The following APPBP2 variants were observed in gnomAD, a reference collection of about 807,000 sequenced individuals.
The protein encoded by APPBP2 is amyloid beta precursor protein binding protein 2, also known as amyloid protein-binding protein 2.
APPBP2 carries 15 observed loss-of-function variants against 76.0 expected under a neutral mutation model. That is an observed-to-expected ratio of 0.20 (90% CI 0.13 to 0.30). The LOEUF (loss-of-function observed/expected upper bound fraction) is 0.30, where lower values mean the gene tolerates loss of function less well. APPBP2 is among the 10% of genes least tolerant of loss of function. APPBP2 has a pLI of 1.00. For synonymous variants in APPBP2, 222 were observed against 242.2 expected (o/e 0.92, Z 0.77); for missense variants, 401 against 687.2 (o/e 0.58, Z 4.66).
At chr17:60,466,649 C>A (rs914660964) in intron 4 of APPBP2, among the ~76,000 whole-genome samples, 190 bp from the exon 5 acceptor site, 4 of 152,090 alleles carry the variant, frequency 2.6e-5, no homozygotes, top group Admixed American at 2.6e-4. Context: ...TTCCTGAAAG[C>A]GTCCCATAAT....
Position 60,526,106 on chromosome 17 carries a change from G to A in APPBP2, c.-175C>T. 1.6e-6 allele frequency: 1 copy of A among 620,920 alleles called. No individual in the cohort carries two copies. Among genetic ancestry groups the A allele is most frequent in the Admixed American group, 3.0e-5 (1 of 33,526 alleles). The allele number at this position is 620,920 out of a possible 1,614,324, so 38.5% of individuals were successfully genotyped here. A position where few individuals can be genotyped will look rare whatever the true frequency, so the allele number is the denominator to read the frequency against. ...CTCCGGGGGCAAACTGAGGGACGGC[G>A]GCAGCGGACGCAGGCCCGAGTAAAA... is the stretch of plus-strand genomic sequence containing the variant. On this transcript the variant is annotated 5_prime_UTR_variant, in exon 1 of 13. Coordinates refer to ENST00000083182, the MANE Select transcript of APPBP2 (RefSeq NM_006380.5).
intron 4 of APPBP2, among the ~76,000 whole-genome samples, chr17:60,477,731 T>C (rs2143375296): frequency 6.6e-6 from 1 of 151,372 alleles, no homozygotes; most frequent in African/African-American, 2.4e-5. Flanking sequence ...ATTGAATGTC[T>C]GTCTGACATA....
intron 1 of APPBP2, 29 bp from the exon 2 acceptor site, chr17:60,500,516 T>A: frequency 6.5e-7 from 1 of 1,534,602 alleles, no homozygotes; most frequent in Non-Finnish European, 8.9e-7. Context: ...GATTTAAAAA[T>A]TTTGCAATTT....
intron 4 of APPBP2, among the ~76,000 whole-genome samples, chr17:60,471,778 CTTTT>C (rs929833092): frequency 6.6e-6 from 1 of 152,024 alleles, no homozygotes; most frequent in East Asian, 1.9e-4. Flanking sequence ...CTGAAATTGC[CTTTT>C]TTGTGATGTC....
intron 3 of APPBP2, among the ~76,000 whole-genome samples, chr17:60,489,655 T>C (rs1268213116): frequency 6.7e-6 from 1 of 149,298 alleles, no homozygotes; most frequent in African/African-American, 2.5e-5. Flanking sequence ...TGTTAAAAGT[T>C]GTTGGGAAGG....
At chr17:60,474,151 A>C (rs1340776730) in intron 4 of APPBP2, among the ~76,000 whole-genome samples, 2 of 151,968 alleles carry the variant, frequency 1.3e-5, no homozygotes, top group African/African-American at 4.8e-5. Flanking sequence ...AATAATTCTA[A>C]ATCTGTTAAA....
At chr17:60,469,263 T>G (rs533993104) in intron 4 of APPBP2, among the ~76,000 whole-genome samples, 40 of 148,508 alleles carry the variant, frequency 2.7e-4, no homozygotes, top group Admixed American at 8.8e-4. Flanking sequence ...GAGGCAGAGA[T>G]TGCAGTGAGT....
intron 1 of APPBP2, among the ~76,000 whole-genome samples, chr17:60,518,390 TG>T (rs2090981188): frequency 2.2e-5 from 3 of 137,442 alleles, no homozygotes; most frequent in Non-Finnish European, 4.5e-5. Context: ...TGTGTGTGTG[TG>T]TGTGTGTGTA....
In APPBP2 at chr17:60,494,528, G is replaced by A; in HGVS notation, c.317C>T (p.Ser106Phe). ...TGCAGCATCTGATTCTGCTATATAA[G>A]AGCACCGCCTACTGAATGAGTAGGC... ...VLAYSFSRRC[S>F]YIAESDAAVK... Residue 106 changes from serine (S) to phenylalanine (F), a missense_variant, in exon 3 of 13, where the codon TCT becomes TTT. By Grantham distance (155) the Ser-to-Phe change is radical. Around this residue, in one of 5 missense-constraint regions of APPBP2, gnomAD observed 149 missense variants for 198.4 expected, o/e 0.75. Transcript: ENST00000083182. The A allele has an allele frequency of 6.2e-7, 1 of 1,612,460 alleles. No individual in the cohort carries two copies. Among genetic ancestry groups the A allele is most frequent in the Non-Finnish European group, 8.5e-7 (1 of 1,179,752 alleles).
At chr17:60,501,810 T>A (rs759179338) in intron 1 of APPBP2, among the ~76,000 whole-genome samples, 1 of 152,114 alleles carries the variant, frequency 6.6e-6, no homozygotes, top group Admixed American at 6.6e-5. Flanking sequence ...ATGGAAAACA[T>A]AATAAAACCT....
chr17:60,469,430 G>A (rs1000559274), intron 4 of APPBP2, among the ~76,000 whole-genome samples: 1 of 151,038 alleles, frequency 6.6e-6, no homozygotes, highest in East Asian at 1.9e-4. Flanking sequence ...TTTTACTATG[G>A]TGAAATATAT....
chr17:60,500,012 CT>C (rs563111313), intron 2 of APPBP2, among the ~76,000 whole-genome samples: 10,972 of 137,872 alleles, frequency 0.08, 1,302 homozygotes, highest in African/African-American at 0.27. Flanking sequence ...TGTGAATATA[CT>C]TTTTTTTTTT....
chr17:60,458,814 C>A (rs1176122786), intron 9 of APPBP2, among the ~76,000 whole-genome samples: 1 of 145,848 alleles, frequency 6.9e-6, no homozygotes, highest in Non-Finnish European at 1.5e-5. Flanking sequence ...CTCGTTCTGT[C>A]GCCACGCTGG....
At chr17:60,453,841 T>C (rs2090414021) in intron 11 of APPBP2, among the ~76,000 whole-genome samples, 1 of 152,006 alleles carries the variant, frequency 6.6e-6, no homozygotes, top group East Asian at 1.9e-4. Flanking sequence ...TGGCCCACGG[T>C]CCTGATTTTT....
Position 60,525,718 on chromosome 17 carries a change from G to A in APPBP2, c.138+76C>T, listed in dbSNP as rs1294177367. Reference sequence around the variant, plus strand: ...GGAAGGGGTGAGGGGTTAACTGCGGGGGTTCGCAGACGTGGAAGGGGGTGC... The same window carrying A: ...GGAAGGGGTGAGGGGTTAACTGCGGAGGTTCGCAGACGTGGAAGGGGGTGC... On this transcript the variant is annotated intron_variant, in intron 1 of 12. Transcript: ENST00000083182. The A allele has an allele frequency of 2.5e-6, 4 of 1,597,216 alleles. No homozygotes were observed. The African/African-American group carries it at 4.0e-5, about 16-fold the overall frequency.
chr17:60,510,629 T>G (rs2090904227), intron 1 of APPBP2, among the ~76,000 whole-genome samples: 1 of 151,966 alleles, frequency 6.6e-6, no homozygotes, highest in African/African-American at 2.4e-5. Context: ...GGTGGGAGGT[T>G]TGCCTGAGCC....
intron 1 of APPBP2, among the ~76,000 whole-genome samples, chr17:60,516,139 G>A (rs898351527): frequency 1.5e-4 from 23 of 151,908 alleles, no homozygotes; most frequent in Admixed American, 7.9e-4. Context: ...CTCCTGCCTC[G>A]GAGGAAGAGT....
At chr17:60,488,383 T>C (rs1161731941) in intron 3 of APPBP2, among the ~76,000 whole-genome samples, 4 of 152,282 alleles carry the variant, frequency 2.6e-5, no homozygotes, top group East Asian at 1.9e-4. Flanking sequence ...ATTTTGAAAG[T>C]ATTATGGTAA....
intron 6 of APPBP2, among the ~76,000 whole-genome samples, chr17:60,463,367 C>A (rs2090489611): frequency 6.6e-6 from 1 of 152,128 alleles, no homozygotes; most frequent in Admixed American, 6.5e-5. Flanking sequence ...GACCTGTAAT[C>A]CTAGAACTTT....
Sources: gnomAD v4.1 joint callset for allele counts (sites outside exome capture counted in the v4.1 genomes callset) on GRCh38, gnomAD v4.1.1 for gene constraint, gnomAD v4.1.1 regional missense constraint, MANE v1.5 for transcripts, NCBI Gene and HGNC (gene_info 2026-07-23, HGNC 2026-07-21) for gene names.